FAM168B: variants seen among roughly 807,000 people sequenced by gnomAD.
FAM168B encodes the protein myelin-associated neurite-outgrowth inhibitor.
A neutral mutation model predicts 21.8 loss-of-function variants in FAM168B; 19 were observed. That is an observed-to-expected ratio of 0.87 (90% CI 0.61 to 1.28). The LOEUF is 1.28. FAM168B is among the 50% of genes most tolerant of loss of function. The pLI is 0.00. For missense variants in FAM168B, 233 were observed against 263.1 expected, an observed-to-expected ratio of 0.89 and a Z score of 0.79; for synonymous variants, 126 against 104.8, an observed-to-expected ratio of 1.20 and a Z score of -1.24.
Position 131,049,190 on chromosome 2 carries a change from GAC to G in FAM168B, c.*3273_*3274del. The G allele has an allele frequency of 2.0e-6, 2 of 985,386 alleles. No homozygotes were observed. The highest frequency in any genetic ancestry group is 2.4e-6 in the Non-Finnish European group (2 of 829,946). 61.0% of individuals were successfully genotyped at this position (985,386 alleles called of 1,614,324 possible). The stretch of plus-strand genomic sequence containing the variant: ...CTCTCGTTACTGTTGTGTCCCCCAA[GAC>G]ACATGCAAATTATTTCCTAGACCTC... On this transcript the variant is annotated 3_prime_UTR_variant, in exon 7 of 7. Coordinates refer to ENST00000389915, the MANE Select transcript of FAM168B (RefSeq NM_001009993.4).
At chr2:131,068,982 C>A (rs970631337) in intron 3 of FAM168B, among the ~76,000 whole-genome samples, 4 of 152,192 alleles carry the variant, frequency 2.6e-5, no homozygotes, top group Admixed American at 6.5e-5. Context: ...CACCACTGCA[C>A]TGCAGCCTGG....
intron 2 of FAM168B, among the ~76,000 whole-genome samples, chr2:131,076,748 A>G (rs1168644315): frequency 6.6e-6 from 1 of 152,182 alleles, no homozygotes; most frequent in African/African-American, 2.4e-5. Context: ...AAATTCAGAT[A>G]AAGTATCTAA....
intron 3 of FAM168B, among the ~76,000 whole-genome samples, chr2:131,061,180 C>T (rs903481734): frequency 7.4e-6 from 1 of 134,894 alleles, no homozygotes; most frequent in Non-Finnish European, 1.6e-5. Context: ...GAAGGCCGGG[C>T]GTGGTGGCTC....
intron 1 of FAM168B, among the ~76,000 whole-genome samples, chr2:131,090,181 C>T (rs1395739039): frequency 1.4e-5 from 2 of 146,926 alleles, no homozygotes; most frequent in Non-Finnish European, 3.0e-5. Flanking sequence ...ATTATCCAGG[C>T]ACGGTGGCAG....
rs73000370 is a variant in FAM168B at position 131,062,180 on chromosome 2, A to T, written c.155-6485T>A. Among the ~76,000 whole-genome samples, 893 of 152,284 alleles carry T rather than the reference A, an allele frequency of 5.9e-3. 9 individuals carry two copies. The highest frequency in any genetic ancestry group is 0.02 in the African/African-American group (814 of 41,562). ...AAGAGAAGATGCAAGCTGCCAACCC[A>T]AACAAACCTCTAATACAGAGTATAA... On this transcript the variant is annotated intron_variant, in intron 3 of 6. Transcript: ENST00000389915.
chr2:131,075,311 A>C (rs2105538870), intron 2 of FAM168B, among the ~76,000 whole-genome samples: 1 of 151,640 alleles, frequency 6.6e-6, no homozygotes, highest in East Asian at 1.9e-4. Flanking sequence ...CCACTGACCT[A>C]GATCATATCC....
At chr2:131,057,088 G>A (rs562635718) in intron 3 of FAM168B, among the ~76,000 whole-genome samples, 2 of 152,162 alleles carry the variant, frequency 1.3e-5, no homozygotes, top group Non-Finnish European at 2.9e-5. Flanking sequence ...CCATGGGTGA[G>A]AGCAGGAGGG....
At chr2:131,074,655 C>T (rs183110395) in intron 2 of FAM168B, among the ~76,000 whole-genome samples, 4 of 152,256 alleles carry the variant, frequency 2.6e-5, no homozygotes, top group Admixed American at 6.5e-5. Flanking sequence ...TAAGGTGTTA[C>T]GATCCCTTAG....
intron 3 of FAM168B, 78 bp downstream of exon 3, chr2:131,071,776 AC>A: frequency 1.6e-6 from 2 of 1,224,030 alleles, no homozygotes; most frequent in Non-Finnish European, 2.4e-6. Context: ...CTAATTCTAT[AC>A]CCACCCCTCT....
chr2:131,092,779 G>A (rs1694098879), intron 1 of FAM168B, among the ~76,000 whole-genome samples: 1 of 151,962 alleles, frequency 6.6e-6, no homozygotes, highest in Non-Finnish European at 1.5e-5. Flanking sequence ...TTTCAAGCTG[G>A]AAGGAGAACG....
At position 131,051,017 on chromosome 2, in the gene FAM168B, T is replaced by C; in HGVS notation, c.*1448A>G. On this transcript the variant is annotated 3_prime_UTR_variant, in exon 7 of 7. Transcript: ENST00000389915. ...GCGGGGTGGAGGGAAGCCTTTTCAT[T>C]TCTTATGTACAAGATTCAGATCCTA... 1.0e-6 allele frequency: 1 copy of C among 985,412 alleles called. No individual in the cohort carries two copies. The highest frequency in any genetic ancestry group is 1.2e-6 in the Non-Finnish European group (1 of 829,976). The allele number at this position is 985,412 out of a possible 1,614,324, so 61.0% of individuals were successfully genotyped here.
Position 131,055,959 on chromosome 2 carries a change from A to C in FAM168B, c.155-264T>G, listed in dbSNP as rs115958681. Among the ~76,000 whole-genome samples, 850 of 152,374 alleles carry C rather than the reference A, an allele frequency of 5.6e-3. 5 individuals carry two copies. The highest frequency in any genetic ancestry group is 0.019 in the African/African-American group (779 of 41,586). ...AACGTTCTACAGATGGAATGCTCAC[A>C]CAAGGACAGGAAATAAAAACTGTCT... On this transcript the variant is annotated intron_variant, in intron 3 of 6. Transcript: ENST00000389915.
chr2:131,074,909 C>T (rs1311615160), intron 2 of FAM168B, among the ~76,000 whole-genome samples: 1 of 152,186 alleles, frequency 6.6e-6, no homozygotes, highest in Non-Finnish European at 1.5e-5. Flanking sequence ...TCACCAAGCC[C>T]TAGCCCCAGA....
intron 3 of FAM168B, among the ~76,000 whole-genome samples, chr2:131,064,221 T>C (rs974482346): frequency 6.6e-6 from 1 of 152,176 alleles, no homozygotes; most frequent in Non-Finnish European, 1.5e-5. Flanking sequence ...AGAAACTTTT[T>C]ATTTAAATAG....
At chr2:131,090,939 C>T (rs997137822) in intron 1 of FAM168B, among the ~76,000 whole-genome samples, 9 of 152,154 alleles carry the variant, frequency 5.9e-5, no homozygotes, top group African/African-American at 1.7e-4. Context: ...ACCATGTTAT[C>T]CAGGATGGTT....
chr2:131,050,178 A>T lies in FAM168B; in HGVS notation c.*2287T>A. The T allele has an allele frequency of 1.0e-6, 1 of 985,464 alleles. No homozygotes were observed. The highest frequency in any genetic ancestry group is 1.1e-4 in the East Asian group (1 of 8,824). The allele number at this position is 985,464 out of a possible 1,614,324, so 61.0% of individuals were successfully genotyped here. A position where few individuals can be genotyped will look rare whatever the true frequency, so the allele number is the denominator to read the frequency against. The stretch of plus-strand genomic sequence containing the variant: ...AAACACCATCCTGTGTGTGCCAAGT[A>T]CCAAGCAAGCCTGAAGAGATGCCTG... On this transcript the variant is annotated 3_prime_UTR_variant, in exon 7 of 7. Coordinates refer to ENST00000389915, the MANE Select transcript of FAM168B (RefSeq NM_001009993.4).
At chr2:131,092,943 T>C (rs897757182) in intron 1 of FAM168B, among the ~76,000 whole-genome samples, 1 of 151,978 alleles carries the variant, frequency 6.6e-6, no homozygotes, top group African/African-American at 2.4e-5. Context: ...CCCCGACCTT[T>C]AGGAGAACGC....
chr2:131,085,618 G>A (rs1425839223), intron 1 of FAM168B, among the ~76,000 whole-genome samples: 2 of 152,180 alleles, frequency 1.3e-5, no homozygotes, highest in African/African-American at 2.4e-5. Flanking sequence ...AAAATATTAG[G>A]TCACATCCTT....
intron 1 of FAM168B, among the ~76,000 whole-genome samples, chr2:131,085,369 C>A (rs906171952): frequency 6.6e-6 from 1 of 152,134 alleles, no homozygotes; most frequent in African/African-American, 2.4e-5. Context: ...GTAGCCAAAA[C>A]AAGCAGGGAA....
Sources: gnomAD v4.1 joint callset for allele counts (sites outside exome capture counted in the v4.1 genomes callset) on GRCh38, gnomAD v4.1.1 for gene constraint, MANE v1.5 for transcripts, NCBI Gene and HGNC (gene_info 2026-07-23, HGNC 2026-07-21) for gene names.